The following NEMP2 variants were observed in gnomAD, a reference collection of about 807,000 sequenced individuals.
NEMP2 encodes UPF0571 transmembrane protein.
A neutral mutation model predicts 54.2 loss-of-function variants in NEMP2; 53 were observed. That is an observed-to-expected ratio of 0.98 (90% confidence interval 0.78 to 1.23). The LOEUF is 1.23. NEMP2 is among the 50% of genes most tolerant of loss of function. The pLI is 0.00. For synonymous variants in NEMP2, 197 were observed against 190.3 expected (o/e 1.04, Z -0.29); for missense variants, 455 against 511.3 (o/e 0.89, Z 1.06).
chr2:190,561,950 A>G, the NEMP2 span, among the ~76,000 whole-genome samples: 2 of 152,146 alleles, frequency 1.3e-5, no homozygotes, highest in Non-Finnish European at 2.9e-5. This position sits in a 1 kb window ranked among gnomAD's most constrained non-coding sequence, Gnocchi z 5.4. Context: ...TTATTTTACT[A>G]TGTAGTTACT....
chr2:190,429,330 CT>C, the NEMP2 span, among the ~76,000 whole-genome samples: 315 of 141,858 alleles, frequency 2.2e-3, no homozygotes, highest in Non-Finnish European at 2.5e-3. Flanking sequence ...AACAGAAATT[CT>C]TTTTTTTTTT....
chr2:190,514,669 A>G lies in NEMP2; in HGVS notation c.737T>C (p.Leu246Ser). 1 of 1,551,674 alleles carries G rather than the reference A, an allele frequency of 6.4e-7. No homozygotes were observed. ...AACAAAGCTGAAAAATCCAACTATC[A>G]AGACATAGCCTGGAAAAGTGGAAGA... ...ENRIYVLGYV[L>S]IVGFFSFVVC... is the part of the protein sequence containing the mutation. The change falls in exon 7 of 9, where the codon TTG becomes TCG. Residue 246 changes from leucine to serine, a missense_variant. Around this residue, in one of 3 missense-constraint regions of NEMP2, gnomAD observed 294 missense variants for 333.6 expected, o/e 0.88. Transcript: ENST00000409150. The surrounding 1 kb of genome is among the most constrained non-coding windows in gnomAD (Gnocchi z 5.7).
the NEMP2 span, chr2:190,616,963 A>C: frequency 6.6e-6 from 1 of 151,938 alleles, no homozygotes; most frequent in Admixed American, 6.6e-5. This position sits in a 1 kb window ranked among gnomAD's most constrained non-coding sequence, Gnocchi z 5.1. Context: ...AAAAAGAAAA[A>C]TAAAAGGAAA....
In NEMP2 at chr2:190,523,108, A is replaced by G. The variant is rs1690809120; in HGVS notation, c.213+2155T>C. ...TTGTCAACAAACTAAAAAAATAAAA[A>G]TAAAAATGATAATAAAATTGACCAT... On this transcript the variant is annotated intron_variant, in intron 2 of 8. Transcript: ENST00000409150. This position sits in a 1 kb window ranked among gnomAD's most constrained non-coding sequence, Gnocchi z 5.3. 6.6e-6 allele frequency among the ~76,000 whole-genome samples: 1 copy of G among 152,220 alleles called. No homozygotes were observed. Among genetic ancestry groups the G allele is most frequent in the South Asian group, 2.1e-4 (1 of 4,838 alleles).
At chr2:190,456,760 C>T in the NEMP2 span, among the ~76,000 whole-genome samples, 1 of 152,220 alleles carries the variant, frequency 6.6e-6, no homozygotes, top group Admixed American at 6.5e-5. The surrounding 1 kb of genome is among the most constrained non-coding windows in gnomAD (Gnocchi z 5.4). Context: ...CTTGGCTCAC[C>T]CCTCGTCCTG....
the NEMP2 span, among the ~76,000 whole-genome samples, chr2:190,493,668 G>GTACT: frequency 6.6e-6 from 1 of 152,006 alleles, no homozygotes. Context: ...ATTATATCAA[G>GTACT]TACTCTCTCA....
the NEMP2 span, among the ~76,000 whole-genome samples, chr2:190,568,831 A>G: frequency 1.3e-5 from 2 of 152,210 alleles, no homozygotes; most frequent in South Asian, 4.1e-4. The surrounding 1 kb of genome is among the most constrained non-coding windows in gnomAD (Gnocchi z 4.7). Flanking sequence ...TCAAAACAAA[A>G]CAAAACAAAA....
rs962995534 is a variant in NEMP2, at chr2:190,520,443, T to A, written c.214-1260A>T. Among the ~76,000 whole-genome samples, 5 of 152,224 alleles carry A rather than the reference T, an allele frequency of 3.3e-5. No homozygotes were observed. Among genetic ancestry groups the A allele is most frequent in the African/African-American group, 1.2e-4 (5 of 41,454 alleles). On this transcript the variant is annotated intron_variant, in intron 2 of 8. Coordinates refer to ENST00000409150, the MANE Select transcript of NEMP2 (RefSeq NM_001142645.2). The surrounding 1 kb of genome is among the most constrained non-coding windows in gnomAD (Gnocchi z 5.4). ...CTTTTCTCTATTCCTCTTCTTTTTC[T>A]AAGAGTAGGGCAACCCTGAAAAGGG...
At chr2:190,615,240 G>A in the NEMP2 span, among the ~76,000 whole-genome samples, 1 of 152,158 alleles carries the variant, frequency 6.6e-6, no homozygotes, top group East Asian at 1.9e-4. This position sits in a 1 kb window ranked among gnomAD's most constrained non-coding sequence, Gnocchi z 4.7. Flanking sequence ...CTGTGCTCCT[G>A]ACCGAGAAGC....
At chr2:190,469,741 T>TTTTTATC in the NEMP2 span, 7 of 1,403,456 alleles carry the variant, frequency 5.0e-6, no homozygotes, top group East Asian at 5.0e-5. This position sits in a 1 kb window ranked among gnomAD's most constrained non-coding sequence, Gnocchi z 5.3. Context: ...TTATTTTTAT[T>TTTTTATC]TTTTATTTTT....
rs1690848929 is a variant in NEMP2, at chr2:190,524,123, G to A, written c.213+1140C>T. 3.3e-5 allele frequency among the ~76,000 whole-genome samples: 5 copies of A among 151,872 alleles called. 1 individual carries two copies. Among genetic ancestry groups the A allele is most frequent in the Admixed American group, 2.0e-4 (3 of 15,252 alleles). On this transcript the variant is annotated intron_variant, in intron 2 of 8. Coordinates refer to ENST00000409150, the MANE Select transcript of NEMP2 (RefSeq NM_001142645.2). ...TTCCAGCTACTTGAAAGGCTGAGGT[G>A]GGAGAATCACCTGAGCCCGGGAGGT... is the stretch of plus-strand genomic sequence containing the variant.
the NEMP2 span, among the ~76,000 whole-genome samples, chr2:190,575,868 A>G: frequency 6.6e-6 from 1 of 152,116 alleles, no homozygotes; most frequent in South Asian, 2.1e-4. Context: ...CAAAAAAAAG[A>G]AAGAAAGAAA....
At chr2:190,614,878 G>A in the NEMP2 span, among the ~76,000 whole-genome samples, 1 of 152,212 alleles carries the variant, frequency 6.6e-6, no homozygotes, top group Non-Finnish European at 1.5e-5. This position sits in a 1 kb window ranked among gnomAD's most constrained non-coding sequence, Gnocchi z 5.7. Context: ...CTCACCCTTT[G>A]AGTGAGTCTG....
the NEMP2 span, among the ~76,000 whole-genome samples, chr2:190,561,750 T>TTA: frequency 6.6e-6 from 1 of 152,142 alleles, no homozygotes; most frequent in Non-Finnish European, 1.5e-5. The surrounding 1 kb of genome is among the most constrained non-coding windows in gnomAD (Gnocchi z 5.4). Flanking sequence ...AATACAGGCA[T>TTA]TTATATATTC....
chr2:190,624,359 GTA>G, the NEMP2 span, among the ~76,000 whole-genome samples: 1 of 152,154 alleles, frequency 6.6e-6, no homozygotes, highest in Non-Finnish European at 1.5e-5. Flanking sequence ...AGGAATGTTA[GTA>G]TAGTCACTAT....
upstream of NEMP2, among the ~76,000 whole-genome samples, chr2:190,538,204 A>G (rs1691441054): frequency 6.6e-6 from 1 of 152,116 alleles, no homozygotes; most frequent in African/African-American, 2.4e-5. This position sits in a 1 kb window ranked among gnomAD's most constrained non-coding sequence, Gnocchi z 4.1. Flanking sequence ...TAGCTCCCAC[A>G]TATAAATGAG....
chr2:190,465,731 G>A, the NEMP2 span, among the ~76,000 whole-genome samples: 1 of 152,064 alleles, frequency 6.6e-6, no homozygotes, highest in Non-Finnish European at 1.5e-5. The surrounding 1 kb of genome is among the most constrained non-coding windows in gnomAD (Gnocchi z 4.6). Context: ...GGTGGCTCAC[G>A]CCTATAATCC....
the NEMP2 span, among the ~76,000 whole-genome samples, chr2:190,572,863 A>ATG: frequency 1.3e-4 from 17 of 128,924 alleles, no homozygotes; most frequent in African/African-American, 4.4e-4. Context: ...ATATATATAT[A>ATG]TATATATATA....
At chr2:190,610,256 T>A in the NEMP2 span, 1 of 152,230 alleles carries the variant, frequency 6.6e-6, no homozygotes, top group Non-Finnish European at 1.5e-5. This position sits in a 1 kb window ranked among gnomAD's most constrained non-coding sequence, Gnocchi z 5.4. Context: ...CAAGAATAAT[T>A]ATTTTCACAT....
Sources: gnomAD v4.1 joint callset for allele counts (sites outside exome capture counted in the v4.1 genomes callset) on GRCh38, gnomAD v4.1.1 for gene constraint, gnomAD v4.1.1 regional missense constraint, Gnocchi (gnomAD v3.1) non-coding constraint, MANE v1.5 for transcripts, NCBI Gene and HGNC (gene_info 2026-07-23, HGNC 2026-07-21) for gene names.